Variants in TMED7 observed in about 807,000 individuals in gnomAD.
The protein encoded by TMED7 is transmembrane p24 trafficking protein 7, also known as transmembrane emp24 domain-containing protein 7.
TMED7 carries 8 observed loss-of-function variants against 23.4 expected under a neutral mutation model. That is an observed-to-expected ratio of 0.34 (90% CI 0.20 to 0.62). The LOEUF is 0.62. TMED7 is among the 20% of genes least tolerant of loss of function. TMED7 has a pLI of 0.77. For synonymous variants in TMED7, 121 were observed against 108.5 expected (o/e 1.12, Z -0.72); for missense variants, 232 against 279.1 (o/e 0.83, Z 1.20).
At chr5:115,619,606 T>A (rs1454618319) in intron 2 of TMED7, among the ~76,000 whole-genome samples, 1 of 152,130 alleles carries the variant, frequency 6.6e-6, no homozygotes, top group Non-Finnish European at 1.5e-5. Context: ...GATATCTTTG[T>A]GATGGAACCC....
rs1303615553 is a variant in TMED7 at position 115,614,320 on chromosome 5, C to T, written c.*1889G>A. On this transcript the variant is annotated 3_prime_UTR_variant, in exon 3 of 3. Transcript: ENST00000456936. Reference sequence around the variant, plus strand: ...GCTAATATTCTGAAGTTTTGAGAGGCACAGATTAAATGAGTGCACTATCTA... The same window carrying T: ...GCTAATATTCTGAAGTTTTGAGAGGTACAGATTAAATGAGTGCACTATCTA... The T allele has an allele frequency of 6.6e-6, 1 of 152,368 alleles. No individual in the cohort carries two copies. The highest frequency in any genetic ancestry group is 1.9e-4 in the East Asian group (1 of 5,202). 9.4% of individuals were successfully genotyped at this position (152,368 alleles called of 1,614,324 possible).
intron 2 of TMED7, 199 bp from the exon 3 acceptor site, chr5:115,616,644 T>C (rs1756766773): frequency 2.6e-6 from 2 of 763,246 alleles, no homozygotes. Flanking sequence ...CTGTTAAGGC[T>C]AGAGATCTCA....
rs768904979 is a variant in TMED7, at chr5:115,620,507, T to C, written c.366A>G (p.Val122=). 6 of 1,600,696 alleles carry C rather than the reference T, an allele frequency of 3.7e-6. No individual in the cohort carries two copies. The highest frequency in any genetic ancestry group is 1.1e-5 in the South Asian group (1 of 88,322). Residue 122 remains valine (V), a synonymous_variant, in exon 2 of 3, where the codon GTA becomes GTG. Coordinates refer to ENST00000456936, the MANE Select transcript of TMED7 (RefSeq NM_181836.6). The stretch of plus-strand genomic sequence containing the variant: ...CTTCTCCAACTTGAAAATCAAAATA[T>C]ACAGTTTTATGTGTGAAAGTAGAAA... ...NEFSTFTHKT[V]YFDFQVGEDP...
At chr5:115,621,466 A>C (rs1757024798) in intron 1 of TMED7, among the ~76,000 whole-genome samples, 1 of 152,214 alleles carries the variant, frequency 6.6e-6, no homozygotes, top group Non-Finnish European at 1.5e-5. Context: ...AAATAACATG[A>C]AGGACAACAA....
At chr5:115,619,842 G>C (rs1375347548) in intron 2 of TMED7, among the ~76,000 whole-genome samples, 2 of 152,102 alleles carry the variant, frequency 1.3e-5, no homozygotes, top group Non-Finnish European at 2.9e-5. Flanking sequence ...AGCAATAGTT[G>C]TTCACTGGGT....
chr5:115,616,320 A>G lies in TMED7; in HGVS notation c.564T>C (p.Tyr188=). 6.2e-7 allele frequency: 1 copy of G among 1,614,140 alleles called. No homozygotes were observed. The highest frequency in any genetic ancestry group is 8.5e-7 in the Non-Finnish European group (1 of 1,179,974). Reference sequence around the variant, plus strand: ...GAATGAGGGCTTCTCCTACTGACCAATAGGCCACTCTTGTATTTAGATCCT... The same window carrying G: ...GAATGAGGGCTTCTCCTACTGACCAGTAGGCCACTCTTGTATTTAGATCCT... ...RAEDLNTRVA[Y]WSVGEALILL... Residue 188 remains tyrosine (Y), a synonymous_variant, in exon 3 of 3, where the codon TAT becomes TAC. Transcript: ENST00000456936.
intron 1 of TMED7, among the ~76,000 whole-genome samples, chr5:115,622,095 A>G (rs1757049437): frequency 6.6e-6 from 1 of 152,202 alleles, no homozygotes; most frequent in African/African-American, 2.4e-5. Flanking sequence ...CTCACCAAAA[A>G]GTCAGTAACT....
intron 1 of TMED7, among the ~76,000 whole-genome samples, chr5:115,625,099 C>A (rs1352445839): frequency 6.6e-6 from 1 of 152,242 alleles, no homozygotes; most frequent in African/African-American, 2.4e-5. Flanking sequence ...TTTATCACAG[C>A]AATTCTTTCT....
rs1410715715 is a variant in TMED7, at chr5:115,616,221, A to G, written c.663T>C (p.Arg221=). The change falls in exon 3 of 3, where the codon CGT becomes CGC. Residue 221 remains arginine, a synonymous_variant. Transcript: ENST00000456936. ...FFSDKRTTTT[R]VGS ...TCTCAAAACGTAGTTATGATCCAAC[A>G]CGAGTTGTGGTGGTTCTTTTATCTG... 3 of 1,614,116 alleles carry G rather than the reference A, an allele frequency of 1.9e-6. No individual in the cohort carries two copies. Among genetic ancestry groups the G allele is most frequent in the South Asian group, 2.2e-5 (2 of 91,090 alleles).
Position 115,620,564 on chromosome 5 carries a change from A to G in TMED7, c.309T>C (p.Asn103=). 6.2e-7 allele frequency: 1 copy of G among 1,607,416 alleles called. No homozygotes were observed. The highest frequency in any genetic ancestry group is 1.3e-5 in the African/African-American group (1 of 74,694). The part of the protein sequence containing the change: ...YDSFTFTASK[N]GTYKFCFSNE... ...TGCTGAAGCAAAATTTGTATGTCCC[A>G]TTTTTGGAGGCTGTGAAGGTAAAAC... is the stretch of plus-strand genomic sequence containing the variant. Residue 103 remains asparagine, a synonymous_variant, in exon 2 of 3, where the codon AAT becomes AAC. Coordinates refer to ENST00000456936, the MANE Select transcript of TMED7 (RefSeq NM_181836.6).
chr5:115,618,523 C>G (rs1165086709), intron 2 of TMED7, among the ~76,000 whole-genome samples: 1 of 152,130 alleles, frequency 6.6e-6, no homozygotes, highest in Non-Finnish European at 1.5e-5. Context: ...GCCATCAACC[C>G]CTATCCTGTG....
At position 115,625,661 on chromosome 5, in the gene TMED7, G is replaced by A; in HGVS notation, c.132C>T (p.Asn44=). ...TGTCCTCGTAGAAGCACTGCTTGGC[G>A]TTGTCAGGAAGCTCGAAGGTGATCT... ...ASEITFELPD[N]AKQCFYEDIA... Residue 44 remains asparagine, a synonymous_variant, in exon 1 of 3, where the codon AAC becomes AAT. Coordinates refer to ENST00000456936, the MANE Select transcript of TMED7 (RefSeq NM_181836.6). 1 of 1,602,754 alleles carries A rather than the reference G, an allele frequency of 6.2e-7. No individual in the cohort carries two copies. Among genetic ancestry groups the A allele is most frequent in the Non-Finnish European group, 8.5e-7 (1 of 1,175,298 alleles).
At chr5:115,623,795 T>C (rs1224120610) in intron 1 of TMED7, among the ~76,000 whole-genome samples, 1 of 152,196 alleles carries the variant, frequency 6.6e-6, no homozygotes, top group Non-Finnish European at 1.5e-5. Context: ...GCCAGCACTA[T>C]ACCTAGTGTG....
At position 115,625,715 on chromosome 5, in the gene TMED7, T is replaced by C. The variant is rs149914498; in HGVS notation, c.78A>G (p.Leu26=). The change falls in exon 1 of 3, where the codon CTA becomes CTG. Residue 26 remains leucine, a synonymous_variant. Transcript: ENST00000456936. Reference sequence around the variant, plus strand: ...AGGCGCCGCCGGGTCCAGGCACCAGTAGCAGCAGTGCGAGCAGCCTGCACC... The same window carrying C: ...AGGCGCCGCCGGGTCCAGGCACCAGCAGCAGCAGTGCGAGCAGCCTGCACC... The part of the protein sequence containing the change: ...RWGCRLLALL[L]LVPGPGGASE... 80 of 1,600,032 alleles carry C rather than the reference T, an allele frequency of 5.0e-5. No individual in the cohort carries two copies. In the African/African-American group the frequency reaches 9.1e-4, roughly 18 times the overall value.
Position 115,615,993 on chromosome 5 carries a change from A to C in TMED7, c.*216T>G. 1.7e-6 allele frequency: 1 copy of C among 579,724 alleles called. No individual in the cohort carries two copies. Among genetic ancestry groups the C allele is most frequent in the Non-Finnish European group, 3.1e-6 (1 of 326,436 alleles). 35.9% of individuals were successfully genotyped at this position (579,724 alleles called of 1,614,324 possible). On this transcript the variant is annotated 3_prime_UTR_variant, in exon 3 of 3. Transcript: ENST00000456936. ...AGATCATTGGTGTTGAATATTTAAC[A>C]TGAATAGCCCAAAATGAGTTCCAAA...
Position 115,625,757 on chromosome 5 carries a change from GGCCGCCCA to G in TMED7, c.28_35del (p.Trp10ArgfsTer24). ...GCCTGCACCCCCAACGGCCCGCGACGGCCGCCCAGCGCTGCGCGGACCCCGGCCGCGGC... is the reference window on the plus strand; with the variant it reads ...GCCTGCACCCCCAACGGCCCGCGACGGCGCTGCGCGGACCCCGGCCGCGGC... On this transcript the variant is annotated frameshift_variant, in exon 1 of 3. Coordinates refer to ENST00000456936, the MANE Select transcript of TMED7 (RefSeq NM_181836.6). LOFTEE classifies it high-confidence loss of function. 6.5e-7 allele frequency: 1 copy of G among 1,535,976 alleles called. No homozygotes were observed. The highest frequency in any genetic ancestry group is 8.7e-7 in the Non-Finnish European group (1 of 1,143,428).
At chr5:115,621,459 T>C (rs1284181243) in intron 1 of TMED7, among the ~76,000 whole-genome samples, 1 of 152,088 alleles carries the variant, frequency 6.6e-6, no homozygotes, top group Non-Finnish European at 1.5e-5. Context: ...AAAAACAAAA[T>C]AACATGAAGG....
At position 115,616,094 on chromosome 5, in the gene TMED7, A is replaced by G; in HGVS notation, c.*115T>C. 2 of 997,178 alleles carry G rather than the reference A, an allele frequency of 2.0e-6. No homozygotes were observed. 61.8% of individuals were successfully genotyped at this position (997,178 alleles called of 1,614,324 possible). A position where few individuals can be genotyped will look rare whatever the true frequency, so the allele number is the denominator to read the frequency against. ...ATATGCATTGTACATCCCTCCCAAC[A>G]AGTGTATGAGTAAGGATTTAAAAAT... On this transcript the variant is annotated 3_prime_UTR_variant, in exon 3 of 3. Coordinates refer to ENST00000456936, the MANE Select transcript of TMED7 (RefSeq NM_181836.6).
chr5:115,620,414 A>G (rs1441657773), intron 2 of TMED7, 21 bp downstream of exon 2: 1 of 1,479,590 alleles, frequency 6.8e-7, no homozygotes, highest in African/African-American at 1.4e-5. Flanking sequence ...CCAACATTAT[A>G]TTGCTGATTT....
Sources: gnomAD v4.1 joint callset for allele counts (sites outside exome capture counted in the v4.1 genomes callset) on GRCh38, gnomAD v4.1.1 for gene constraint, MANE v1.5 for transcripts, NCBI Gene and HGNC (gene_info 2026-07-23, HGNC 2026-07-21) for gene names.